The following CCDC122 variants were observed in gnomAD, a reference collection of about 807,000 sequenced individuals.
The protein encoded by CCDC122 is coiled-coil domain containing 122.
In CCDC122, 38 loss-of-function variants were observed where a neutral mutation model predicts 37.0. That is an observed-to-expected ratio of 1.03 (90% CI 0.79 to 1.35). The LOEUF (loss-of-function observed/expected upper bound fraction) is 1.35. Ranked by LOEUF, CCDC122 falls within the 40% of genes most tolerant of loss-of-function variation. CCDC122 has a pLI of 0.00. For synonymous variants in CCDC122, 83 were observed against 95.6 expected (o/e 0.87, Z 0.77); for missense variants, 305 against 310.0 (o/e 0.98, Z 0.12).
intron 3 of CCDC122, among the ~76,000 whole-genome samples, chr13:43,824,205 G>A (rs1350263271): frequency 6.6e-6 from 1 of 152,056 alleles, no homozygotes; most frequent in African/African-American, 2.4e-5. Flanking sequence ...CCCAAATATG[G>A]GATGAAATAG....
intron 6 of CCDC122, among the ~76,000 whole-genome samples, chr13:43,838,984 G>A (rs1953259856): frequency 6.6e-6 from 1 of 152,192 alleles, no homozygotes; most frequent in South Asian, 2.1e-4. Context: ...CTGCAATAAG[G>A]TTAACTCCCT....
intron 6 of CCDC122, chr13:43,854,426 G>GACTTT (rs1665248292): frequency 6.6e-6 from 1 of 152,118 alleles, no homozygotes; most frequent in Non-Finnish European, 1.5e-5. Context: ...ACTGAACCGG[G>GACTTT]AAGAAATCGA....
intron 4 of CCDC122, among the ~76,000 whole-genome samples, chr13:43,861,233 G>C (rs1033144664): frequency 6.6e-6 from 1 of 152,156 alleles, no homozygotes; most frequent in Non-Finnish European, 1.5e-5. Context: ...ATGCAGAAGA[G>C]TGAAATTCAG....
chr13:43,861,463 C>A (rs1290573367), intron 4 of CCDC122, among the ~76,000 whole-genome samples: 1 of 152,164 alleles, frequency 6.6e-6, no homozygotes, highest in African/African-American at 2.4e-5. Flanking sequence ...GTTAATGTTA[C>A]CACCTTAGCT....
At chr13:43,825,962 T>A (rs1455840542) in intron 3 of CCDC122, among the ~76,000 whole-genome samples, 1 of 152,180 alleles carries the variant, frequency 6.6e-6, no homozygotes, top group Non-Finnish European at 1.5e-5. Context: ...AAAGAAGAAC[T>A]GGAAGTATTT....
intron 3 of CCDC122, among the ~76,000 whole-genome samples, chr13:43,826,488 T>C (rs946419802): frequency 6.6e-6 from 1 of 151,918 alleles, no homozygotes; most frequent in Non-Finnish European, 1.5e-5. Context: ...GCAGCCATAA[T>C]TGTGCTAAAC....
intron 3 of CCDC122, among the ~76,000 whole-genome samples, chr13:43,825,778 A>AAAG: frequency 6.7e-6 from 1 of 148,402 alleles, no homozygotes; most frequent in East Asian, 2.1e-4. Flanking sequence ...TCAAAAAAAA[A>AAAG]AAAAAAAAAA....
chr13:43,820,757 C>T (rs558922853), downstream of CCDC122, among the ~76,000 whole-genome samples: 14 of 152,252 alleles, frequency 9.2e-5, no homozygotes, highest in African/African-American at 3.1e-4. Flanking sequence ...ATAAGAATCA[C>T]GGGAAATAAA....
chr13:43,826,407 G>A (rs1327985392), intron 3 of CCDC122, among the ~76,000 whole-genome samples: 5 of 152,076 alleles, frequency 3.3e-5, no homozygotes, highest in Non-Finnish European at 5.9e-5. Flanking sequence ...TACTGTGGTC[G>A]TTTATTTATT....
chr13:43,827,139 T>C (rs1009704214), intron 3 of CCDC122, among the ~76,000 whole-genome samples: 7 of 152,318 alleles, frequency 4.6e-5, no homozygotes, highest in African/African-American at 1.7e-4. Context: ...GTATTTATAA[T>C]GAAAGGACAC....
intron 4 of CCDC122, among the ~76,000 whole-genome samples, chr13:43,860,460 T>G (rs1954069304): frequency 6.6e-6 from 1 of 152,202 alleles, no homozygotes; most frequent in Non-Finnish European, 1.5e-5. Context: ...TCCAGCACAC[T>G]TATTGCTATT....
intron 1 of CCDC122, among the ~76,000 whole-genome samples, chr13:43,876,634 C>T (rs1954620221): frequency 1.3e-5 from 2 of 152,214 alleles, no homozygotes; most frequent in African/African-American, 4.8e-5. Flanking sequence ...TATCAATTGA[C>T]TAGTTCAATC....
At chr13:43,859,139 T>C (rs968694367) in intron 5 of CCDC122, among the ~76,000 whole-genome samples, 1 of 152,172 alleles carries the variant, frequency 6.6e-6, no homozygotes, top group African/African-American at 2.4e-5. Flanking sequence ...GTGGTAGTTA[T>C]GGTGGCAACT....
chr13:43,864,557 G>C (rs1954212426), intron 4 of CCDC122, among the ~76,000 whole-genome samples: 1 of 152,080 alleles, frequency 6.6e-6, no homozygotes, highest in Non-Finnish European at 1.5e-5. Flanking sequence ...GGAGGCGCCA[G>C]GCTCTTTTTA....
rs539511710 is a variant in CCDC122 at position 43,867,421 on chromosome 13, C to T, written c.156+1273G>A. The stretch of plus-strand genomic sequence containing the variant: ...TTTATTTTGAATATTATCTTCCTTA[C>T]TCCCTAACCTTTAAACCTGTCCTAG... On this transcript the variant is annotated intron_variant, in intron 4 of 6. Coordinates refer to ENST00000444614, the MANE Select transcript of CCDC122 (RefSeq NM_144974.5). Among the ~76,000 whole-genome samples the T allele has an allele frequency of 2.6e-5, 4 of 152,190 alleles. No individual in the cohort carries two copies. In the South Asian group the frequency reaches 6.2e-4, roughly 24 times the overall value.
chr13:43,848,695 A>G (rs1218691306), intron 6 of CCDC122: 4 of 334,432 alleles, frequency 1.2e-5, no homozygotes, highest in African/African-American at 8.9e-5. Flanking sequence ...TTTACTTGAC[A>G]GGAAAACACT....
intron 1 of CCDC122, among the ~76,000 whole-genome samples, chr13:43,878,331 T>C (rs1320597930): frequency 6.6e-6 from 1 of 152,192 alleles, no homozygotes; most frequent in Non-Finnish European, 1.5e-5. Flanking sequence ...CACCTTCTGA[T>C]TGGGTGTACC....
At chr13:43,820,326 T>A (rs1284278348), downstream of CCDC122, among the ~76,000 whole-genome samples, 1 of 152,086 alleles carries the variant, frequency 6.6e-6, no homozygotes, top group East Asian at 1.9e-4. Flanking sequence ...TTTCCTAATT[T>A]AAAAAAACAC....
intron 6 of CCDC122, among the ~76,000 whole-genome samples, chr13:43,853,158 G>A (rs551281310): frequency 2.0e-5 from 3 of 152,238 alleles, no homozygotes; most frequent in Admixed American, 6.5e-5. Flanking sequence ...GAATGTAAAT[G>A]GGCTAAATGC....
Sources: gnomAD v4.1 joint callset for allele counts (sites outside exome capture counted in the v4.1 genomes callset) on GRCh38, gnomAD v4.1.1 for gene constraint, MANE v1.5 for transcripts, NCBI Gene and HGNC (gene_info 2026-07-23, HGNC 2026-07-21) for gene names.